Variants in SLC2A9 observed in about 807,000 individuals in gnomAD.
SLC2A9 encodes the protein solute carrier family 2, facilitated glucose transporter member 9.
SLC2A9 carries 39 observed loss-of-function variants against 50.6 expected under a neutral mutation model. The observed-to-expected ratio is 0.77, with a 90% CI of 0.60 to 1.01. The LOEUF (loss-of-function observed/expected upper bound fraction) is 1.01, where lower values mean the gene tolerates loss of function less well. SLC2A9 is among the 50% of genes least tolerant of loss of function. The probability of loss-of-function intolerance (pLI) is 0.00; values close to 1 mark genes in which losing one functional copy is unlikely to be tolerated. For missense variants in SLC2A9, 686 were observed against 677.6 expected (o/e 1.01, Z -0.14); for synonymous variants, 324 against 276.9 (o/e 1.17, Z -1.69).
chr4:9,821,418 G>C (rs944008650), downstream of SLC2A9, among the ~76,000 whole-genome samples: 2 of 152,246 alleles, frequency 1.3e-5, no homozygotes, highest in Admixed American at 6.5e-5. Context: ...AACACTGTAT[G>C]TTCTTATTCA....
chr4:9,863,260 C>A (rs1216554278), intron 10 of SLC2A9, among the ~76,000 whole-genome samples: 2 of 152,002 alleles, frequency 1.3e-5, no homozygotes, highest in East Asian at 1.9e-4. Context: ...CATCCTCCCA[C>A]CTCAGCCTCC....
intron 5 of SLC2A9, among the ~76,000 whole-genome samples, chr4:9,969,366 C>T (rs181898355): frequency 9.5e-4 from 145 of 152,216 alleles, no homozygotes; most frequent in Middle Eastern, 3.4e-3. Context: ...GAACTTTTAT[C>T]CTATTTTCAA....
intron 3 of SLC2A9, chr4:9,783,581 A>G: frequency 1.0e-6 from 1 of 1,002,194 alleles, no homozygotes; most frequent in Non-Finnish European, 1.4e-6. Flanking sequence ...GTTTCTGTGT[A>G]GTAGCTCGTG....
intron 7 of SLC2A9, among the ~76,000 whole-genome samples, chr4:9,919,583 G>T (rs1743528960): frequency 6.6e-6 from 1 of 152,144 alleles, no homozygotes; most frequent in African/African-American, 2.4e-5. Context: ...AAGGGTGCTG[G>T]CGGGTGCCCC....
At chr4:10,009,430 G>A (rs1761380626) in intron 2 of SLC2A9, 3 of 152,200 alleles carry the variant, frequency 2.0e-5, no homozygotes, top group Non-Finnish European at 4.4e-5. Context: ...CCTTATAGAG[G>A]GAAATGTTGA....
At chr4:10,039,029 G>T (rs1365300133) in intron 1 of SLC2A9, among the ~76,000 whole-genome samples, 1 of 152,222 alleles carries the variant, frequency 6.6e-6, no homozygotes, top group Non-Finnish European at 1.5e-5. Flanking sequence ...GTGCATGATT[G>T]TGTTCCAGTA....
intron 5 of SLC2A9, among the ~76,000 whole-genome samples, chr4:9,965,092 C>G (rs575351024): frequency 5.5e-4 from 84 of 152,354 alleles, no homozygotes; most frequent in African/African-American, 2.0e-3. Context: ...CATGTATTCT[C>G]TTTCTTAAGC....
intron 5 of SLC2A9, among the ~76,000 whole-genome samples, chr4:9,945,487 A>C (rs1748980452): frequency 6.6e-6 from 1 of 152,330 alleles, no homozygotes; most frequent in East Asian, 1.9e-4. Context: ...GCCTGTGATT[A>C]TCTCCACTAT....
Position 9,938,646 on chromosome 4 carries a change from G to C in SLC2A9, c.814+3267C>G, listed in dbSNP as rs532228531. Among the ~76,000 whole-genome samples the C allele has an allele frequency of 1.1e-4, 16 of 152,278 alleles. No homozygotes were observed. The South Asian group carries it at 3.1e-3, about 30-fold the overall frequency. ...AAGAGTCACACACACGCTCAAGGCA[G>C]CACCCTGCACTTCAGTGAATTCAGG... On this transcript the variant is annotated intron_variant, in intron 6 of 11. Transcript: ENST00000264784.
chr4:9,920,542 A>T lies in SLC2A9; in HGVS notation c.845T>A (p.Val282Asp), dbSNP rs1297792469. ...CAGGACCTCCTCTACCTCTTGGGAA[A>T]CGTCTGCTTTACCCAAGAACGTTTG... ...AFQTFLGKAD[V>D]SQEVEEVLAE... is the part of the protein sequence containing the mutation. The change falls in exon 7 of 12, where the codon GTT (valine) becomes GAT (aspartate). Residue 282 changes from valine (V) to aspartate (D), a missense_variant. Physicochemically the swap from Val to Asp is radical, Grantham distance 152. Transcript: ENST00000264784. 6.2e-7 allele frequency: 1 copy of T among 1,614,030 alleles called. No homozygotes were observed. Among genetic ancestry groups the T allele is most frequent in the Non-Finnish European group, 8.5e-7 (1 of 1,180,038 alleles).
At chr4:9,898,914 T>C (rs193126877) in intron 8 of SLC2A9, among the ~76,000 whole-genome samples, 7 of 151,464 alleles carry the variant, frequency 4.6e-5, no homozygotes, top group Non-Finnish European at 1.0e-4. Flanking sequence ...TGAGCAACCA[T>C]TAATGGTATT....
In SLC2A9 at chr4:10,015,335, G is replaced by A. The variant is rs1014621411; in HGVS notation, c.249+3640C>T. ...GAAGGAGGGGCAGAGAGCATGGCACGGATCTTGGATTCAGACAGACCTGGG... is the reference window on the plus strand; with the variant it reads ...GAAGGAGGGGCAGAGAGCATGGCACAGATCTTGGATTCAGACAGACCTGGG... On this transcript the variant is annotated intron_variant, in intron 2 of 11. Coordinates refer to ENST00000264784, the MANE Select transcript of SLC2A9 (RefSeq NM_020041.3). Among the ~76,000 whole-genome samples the A allele has an allele frequency of 4.6e-5, 7 of 152,304 alleles. No individual in the cohort carries two copies. The East Asian group carries it at 5.8e-4, about 13-fold the overall frequency.
chr4:9,943,929 T>C (rs767180289), intron 5 of SLC2A9, among the ~76,000 whole-genome samples: 47 of 152,236 alleles, frequency 3.1e-4, no homozygotes, highest in Non-Finnish European at 5.1e-4. Context: ...CCAGCAATAC[T>C]GCTGCATGTT....
chr4:9,965,859 C>G (rs1228023010), intron 5 of SLC2A9, among the ~76,000 whole-genome samples: 1 of 151,970 alleles, frequency 6.6e-6, no homozygotes, highest in Non-Finnish European at 1.5e-5. Context: ...GACATCAACT[C>G]AAAAGAAAAT....
chr4:9,772,537 T>G (rs531813221), intron 1 of SLC2A9, among the ~76,000 whole-genome samples: 1 of 152,110 alleles, frequency 6.6e-6, no homozygotes, highest in Non-Finnish European at 1.5e-5. Context: ...CCCTGCACAA[T>G]GAGAAGAGCA....
At chr4:9,885,411 T>G (rs1454077071) in intron 10 of SLC2A9, among the ~76,000 whole-genome samples, 1 of 152,186 alleles carries the variant, frequency 6.6e-6, no homozygotes, top group Non-Finnish European at 1.5e-5. Flanking sequence ...ACCTTCATAT[T>G]TTTCTGATAT....
At chr4:9,906,255 T>C (rs1740644478) in intron 8 of SLC2A9, among the ~76,000 whole-genome samples, 1 of 152,182 alleles carries the variant, frequency 6.6e-6, no homozygotes, top group Non-Finnish European at 1.5e-5. Context: ...GAGCTGGGAC[T>C]GGAACCCAGA....
At chr4:9,799,571 TG>T (rs1319844649) in intron 3 of SLC2A9, among the ~76,000 whole-genome samples, 2 of 152,104 alleles carry the variant, frequency 1.3e-5, no homozygotes, top group Non-Finnish European at 2.9e-5. Context: ...ATATGAAATT[TG>T]GAGAGACACA....
At chr4:9,931,681 C>A (rs1045036110) in intron 6 of SLC2A9, among the ~76,000 whole-genome samples, 11 of 151,964 alleles carry the variant, frequency 7.2e-5, no homozygotes, top group African/African-American at 2.7e-4. Flanking sequence ...AATCTCAGGG[C>A]TGAGAGGCTA....
Sources: allele counts gnomAD v4.1 joint callset (sites outside exome capture counted in the v4.1 genomes callset), GRCh38; gene constraint gnomAD v4.1.1; transcripts MANE v1.5; gene names NCBI Gene and HGNC (gene_info 2026-07-23, HGNC 2026-07-21).